Variants in GRIK3 observed in about 807,000 individuals in gnomAD.
GRIK3 encodes glutamate ionotropic receptor kainate type subunit 3.
In GRIK3, 29 loss-of-function variants were observed where a neutral mutation model predicts 102.5. That is an observed-to-expected ratio of 0.28 (90% confidence interval 0.21 to 0.39). The LOEUF is 0.39. GRIK3 is among the 10% of genes least tolerant of loss of function. The pLI is 1.00. For synonymous variants in GRIK3, 511 were observed against 504.9 expected (o/e 1.01, Z -0.16); for missense variants, 908 against 1,252.4 (o/e 0.73, Z 4.15).
intron 1 of GRIK3, among the ~76,000 whole-genome samples, chr1:36,997,136 C>T (rs143558494): frequency 2.9e-3 from 437 of 152,274 alleles, no homozygotes; most frequent in Non-Finnish European, 5.4e-3. Flanking sequence ...CTAGGAGCTC[C>T]ACCTCCAAGG....
At chr1:36,908,686 T>A (rs767394401) in intron 1 of GRIK3, among the ~76,000 whole-genome samples, 5 of 152,340 alleles carry the variant, frequency 3.3e-5, no homozygotes, top group Middle Eastern at 3.4e-3. Flanking sequence ...GGCATTAATT[T>A]GAAGAGCCAG....
At chr1:36,883,600 A>T (rs1052758401) in intron 2 of GRIK3, among the ~76,000 whole-genome samples, 3 of 152,186 alleles carry the variant, frequency 2.0e-5, no homozygotes, top group Admixed American at 1.3e-4. Flanking sequence ...TCAGGGTTCT[A>T]GATCCTTAGA....
rs1642676656 is a variant in GRIK3, at chr1:36,819,792, T to C, written c.1817A>G (p.Asn606Ser). 6.2e-7 allele frequency: 1 copy of C among 1,609,356 alleles called. No individual in the cohort carries two copies. The highest frequency in any genetic ancestry group is 8.5e-7 in the Non-Finnish European group (1 of 1,177,028). Residue 606 changes from asparagine to serine, a missense_variant, in exon 12 of 16, where the codon AAT becomes AGT. Around this residue, in one of 3 missense-constraint regions of GRIK3, gnomAD observed 26 missense variants for 64.8 expected, o/e 0.40. Transcript: ENST00000373091. The surrounding 1 kb of genome is among the most constrained non-coding windows in gnomAD (Gnocchi z 4.1). ...GAAGCTGTTAAGCAGAGTGAAGTTA[T>C]TTTCCACCACCTCGGAGCCAGGGTT... The part of the protein sequence containing the change: ...PCNPGSEVVE[N>S]NFTLLNSFWF...
At chr1:36,995,231 A>C (rs184472911) in intron 1 of GRIK3, among the ~76,000 whole-genome samples, 2 of 152,296 alleles carry the variant, frequency 1.3e-5, no homozygotes, top group African/African-American at 2.4e-5. Flanking sequence ...CATCAATAAT[A>C]ATCATCATCA....
chr1:36,852,495 A>G (rs1262889335), intron 8 of GRIK3, among the ~76,000 whole-genome samples: 1 of 152,170 alleles, frequency 6.6e-6, no homozygotes, highest in Non-Finnish European at 1.5e-5. Flanking sequence ...CATTTCTTGG[A>G]GAGCTGAAGT....
At chr1:36,946,684 C>T (rs1162211653) in intron 1 of GRIK3, among the ~76,000 whole-genome samples, 2 of 152,232 alleles carry the variant, frequency 1.3e-5, no homozygotes, top group South Asian at 2.1e-4. Context: ...TGCCAGGCCC[C>T]GTGCTAGCCC....
At chr1:36,900,526 C>G (rs1434240736) in intron 1 of GRIK3, among the ~76,000 whole-genome samples, 1 of 152,104 alleles carries the variant, frequency 6.6e-6, no homozygotes, top group Admixed American at 6.6e-5. Context: ...CATAACTTAT[C>G]AAAATTTGTG....
intron 1 of GRIK3, among the ~76,000 whole-genome samples, chr1:37,022,768 T>C (rs1642728744): frequency 1.3e-5 from 2 of 152,264 alleles, no homozygotes; most frequent in Non-Finnish European, 2.9e-5. Flanking sequence ...ATTGCATTCA[T>C]TTATTCAACA....
intron 15 of GRIK3, among the ~76,000 whole-genome samples, chr1:36,804,104 T>A (rs1285503415): frequency 1.3e-5 from 2 of 152,162 alleles, no homozygotes; most frequent in Non-Finnish European, 1.5e-5. Context: ...CAACATCGAG[T>A]ATTATCTTTC....
chr1:36,972,447 C>T (rs1205479299), intron 1 of GRIK3, among the ~76,000 whole-genome samples: 2 of 152,150 alleles, frequency 1.3e-5, no homozygotes, highest in Non-Finnish European at 2.9e-5. Flanking sequence ...TGATCTTGTC[C>T]CTGAATTACA....
chr1:36,947,561 TC>T (rs1433563628), intron 1 of GRIK3, among the ~76,000 whole-genome samples: 2 of 152,154 alleles, frequency 1.3e-5, no homozygotes, highest in Non-Finnish European at 2.9e-5. Context: ...TGTCAGGTTC[TC>T]CTCTCCCCGT....
At chr1:36,901,501 T>A (rs914921142) in intron 1 of GRIK3, among the ~76,000 whole-genome samples, 1 of 152,202 alleles carries the variant, frequency 6.6e-6, no homozygotes, top group Admixed American at 6.5e-5. Context: ...CCATTAATGA[T>A]AAAAACTCTC....
intron 5 of GRIK3, among the ~76,000 whole-genome samples, chr1:36,864,812 C>T (rs1470844865): frequency 6.6e-6 from 1 of 150,838 alleles, no homozygotes; most frequent in Non-Finnish European, 1.5e-5. Flanking sequence ...CAATGGGGAG[C>T]TGGTGAAGAG....
chr1:36,840,589 G>T (rs1640435295), intron 10 of GRIK3, among the ~76,000 whole-genome samples: 1 of 150,976 alleles, frequency 6.6e-6, no homozygotes, highest in Non-Finnish European at 1.5e-5. Flanking sequence ...TAGCCAGGTG[G>T]AGTGCCTCGT....
At chr1:37,023,097 G>C (rs1037579414) in intron 1 of GRIK3, among the ~76,000 whole-genome samples, 5 of 152,154 alleles carry the variant, frequency 3.3e-5, no homozygotes, top group East Asian at 3.9e-4. Context: ...GGGAGGCCAT[G>C]GTGGGCAGAT....
At chr1:37,025,389 G>C (rs913253626) in intron 1 of GRIK3, among the ~76,000 whole-genome samples, 1 of 152,188 alleles carries the variant, frequency 6.6e-6, no homozygotes, top group Non-Finnish European at 1.5e-5. Flanking sequence ...CAGAAGCTCT[G>C]CGGATGGGGC....
chr1:36,874,703 T>C (rs1014380006), intron 3 of GRIK3, among the ~76,000 whole-genome samples: 2 of 152,222 alleles, frequency 1.3e-5, no homozygotes, highest in Non-Finnish European at 2.9e-5. Flanking sequence ...TTGAGACTTA[T>C]GTGCAGCATC....
chr1:36,878,449 T>C (rs1640932678), intron 3 of GRIK3, among the ~76,000 whole-genome samples: 1 of 152,224 alleles, frequency 6.6e-6, no homozygotes, highest in African/African-American at 2.4e-5. Flanking sequence ...AGGGAGTCTC[T>C]CCCTACTATT....
At chr1:36,836,985 C>T (rs1640387668) in intron 10 of GRIK3, among the ~76,000 whole-genome samples, 1 of 152,026 alleles carries the variant, frequency 6.6e-6, no homozygotes, top group Non-Finnish European at 1.5e-5. Flanking sequence ...CTGACCCTCC[C>T]CCCCTTTCTA....
Sources: allele counts gnomAD v4.1 joint callset (sites outside exome capture counted in the v4.1 genomes callset), GRCh38; gene constraint gnomAD v4.1.1; regional missense constraint gnomAD v4.1.1; non-coding constraint Gnocchi (gnomAD v3.1); transcripts MANE v1.5; gene names NCBI Gene and HGNC (gene_info 2026-07-23, HGNC 2026-07-21).